The following QSER1 variants were observed in gnomAD, a reference collection of about 807,000 sequenced individuals.
QSER1 encodes glutamine and serine-rich protein 1.
QSER1 carries 49 observed loss-of-function variants against 158.5 expected under a neutral mutation model. That is an observed-to-expected ratio of 0.31 (90% confidence interval 0.25 to 0.39). QSER1 has a LOEUF of 0.39. Among genes scored for constraint, QSER1 ranks in the 10% least tolerant of loss-of-function variants. The pLI is 1.00. For missense variants in QSER1, 1,754 were observed against 2,010.3 expected, an observed-to-expected ratio of 0.87 and a Z score of 2.44; for synonymous variants, 650 against 715.5, an observed-to-expected ratio of 0.91 and a Z score of 1.46.
chr11:32,941,388 C>T (rs1270735594), intron 4 of QSER1, among the ~76,000 whole-genome samples: 5 of 120,740 alleles, frequency 4.1e-5, no homozygotes, highest in African/African-American at 1.5e-4. Context: ...CCCCCCTCCA[C>T]CCCCCACAAC....
At chr11:32,964,783 TACAC>T (rs1203469328) in intron 8 of QSER1, among the ~76,000 whole-genome samples, 5 of 107,154 alleles carry the variant, frequency 4.7e-5, no homozygotes, top group African/African-American at 1.5e-4. Flanking sequence ...CACACACACA[TACAC>T]ACACATAAAC....
chr11:32,901,616 G>C (rs1191733612), intron 1 of QSER1, among the ~76,000 whole-genome samples: 1 of 152,350 alleles, frequency 6.6e-6, no homozygotes, highest in Non-Finnish European at 1.5e-5. Flanking sequence ...ACTTCTGCCA[G>C]TCTGTTGGTC....
intron 4 of QSER1, among the ~76,000 whole-genome samples, chr11:32,952,031 G>A (rs1212583676): frequency 1.3e-5 from 2 of 151,858 alleles, no homozygotes; most frequent in Non-Finnish European, 2.9e-5. Flanking sequence ...GTAGAGATGG[G>A]GTTTCACCAT....
At chr11:32,958,806 T>C (rs1257721089) in intron 8 of QSER1, among the ~76,000 whole-genome samples, 1 of 152,246 alleles carries the variant, frequency 6.6e-6, no homozygotes, top group African/African-American at 2.4e-5. Flanking sequence ...ATTTAATAAA[T>C]GCTTACTACT....
chr11:32,914,029 A>G (rs1851802947), intron 1 of QSER1, among the ~76,000 whole-genome samples: 3 of 152,238 alleles, frequency 2.0e-5, no homozygotes. Context: ...CTTTTAAATT[A>G]TCAAACTGGA....
At chr11:32,910,213 C>G (rs555930589) in intron 1 of QSER1, among the ~76,000 whole-genome samples, 1 of 152,308 alleles carries the variant, frequency 6.6e-6, no homozygotes, top group South Asian at 2.1e-4. Flanking sequence ...ATCCCTTCTT[C>G]AGGAGGCATT....
chr11:32,955,488 T>G lies in QSER1; in HGVS notation c.4617+76T>G, dbSNP rs1852496080. On this transcript the variant is annotated intron_variant, in intron 6 of 12. Coordinates refer to ENST00000650167, the MANE Select transcript of QSER1 (RefSeq NM_001076786.3). The stretch of plus-strand genomic sequence containing the variant: ...AAAAACAATGATTTAAATATAGAAG[T>G]ATTTTATATTGAATATTTTTGATAT... 6.0e-6 allele frequency: 4 copies of G among 665,680 alleles called. No homozygotes were observed. In the South Asian group the frequency reaches 8.8e-5, roughly 15 times the overall value. 41.2% of individuals were successfully genotyped at this position (665,680 alleles called of 1,614,324 possible). A position where few individuals can be genotyped will look rare whatever the true frequency, so the allele number is the denominator to read the frequency against.
intron 1 of QSER1, among the ~76,000 whole-genome samples, chr11:32,898,482 TCACACACACACACACACA>T (rs71034630): frequency 1.2e-3 from 168 of 143,048 alleles, no homozygotes; most frequent in South Asian, 3.6e-3. Flanking sequence ...TGAGAACCTG[TCACACACACACACACACA>T]CACACACACA....
chr11:32,916,415 G>A (rs1165049155), intron 1 of QSER1, among the ~76,000 whole-genome samples: 1 of 152,094 alleles, frequency 6.6e-6, no homozygotes, highest in Non-Finnish European at 1.5e-5. Context: ...GCAGTAATCT[G>A]TCTCCATGGA....
intron 1 of QSER1, among the ~76,000 whole-genome samples, chr11:32,898,482 TCACACA>T (rs71034630): frequency 0.2 from 28,488 of 142,834 alleles, 2,925 homozygotes; most frequent in East Asian, 0.27. Context: ...TGAGAACCTG[TCACACA>T]CACACACACA....
At chr11:32,976,194 G>A (rs574925695) in intron 12 of QSER1, 140 bp from the exon 13 acceptor site, 12 of 665,902 alleles carry the variant, frequency 1.8e-5, no homozygotes, top group Non-Finnish European at 2.5e-5. Flanking sequence ...AAGATGAGAG[G>A]ATGAGATCTC....
At chr11:32,963,090 C>T (rs1024957309) in intron 8 of QSER1, among the ~76,000 whole-genome samples, 3 of 152,188 alleles carry the variant, frequency 2.0e-5, no homozygotes, top group African/African-American at 4.8e-5. Flanking sequence ...AAAAAGACAT[C>T]TATTCAAGAA....
At chr11:32,910,309 T>C (rs982606905) in intron 1 of QSER1, among the ~76,000 whole-genome samples, 1 of 152,232 alleles carries the variant, frequency 6.6e-6, no homozygotes, top group African/African-American at 2.4e-5. Context: ...TATAATTGTT[T>C]TATTAGTTGG....
intron 10 of QSER1, among the ~76,000 whole-genome samples, chr11:32,972,716 A>C (rs1314813406): frequency 6.6e-6 from 1 of 152,104 alleles, no homozygotes; most frequent in African/African-American, 2.4e-5. Flanking sequence ...GATTACAGGC[A>C]TGAGCCACCA....
intron 8 of QSER1, among the ~76,000 whole-genome samples, chr11:32,959,546 G>A (rs1042565065): frequency 3.9e-5 from 6 of 152,184 alleles, no homozygotes; most frequent in Admixed American, 3.9e-4. Flanking sequence ...AGCAGGGATG[G>A]AGATGAGGGG....
chr11:32,944,401 C>T (rs1852293301), intron 4 of QSER1, among the ~76,000 whole-genome samples: 1 of 149,306 alleles, frequency 6.7e-6, no homozygotes, highest in East Asian at 2.0e-4. Context: ...CTACACACTG[C>T]TTTGAATGCA....
At chr11:32,975,982 T>G (rs1179691510) in intron 12 of QSER1, among the ~76,000 whole-genome samples, 3 of 152,214 alleles carry the variant, frequency 2.0e-5, no homozygotes, top group Admixed American at 6.5e-5. Flanking sequence ...TAGTCTGGTA[T>G]GGAAAGATGC....
intron 6 of QSER1, among the ~76,000 whole-genome samples, 171 bp from the exon 7 acceptor site, chr11:32,955,817 A>C (rs1852501333): frequency 6.6e-6 from 1 of 152,232 alleles, no homozygotes; most frequent in African/African-American, 2.4e-5. Context: ...TTGCTTGTAC[A>C]TATGAAATCA....
At chr11:32,924,531 G>C (rs1184583851) in intron 1 of QSER1, among the ~76,000 whole-genome samples, 2 of 148,758 alleles carry the variant, frequency 1.3e-5, no homozygotes, top group Non-Finnish European at 3.0e-5. Context: ...CTGCAATTGA[G>C]GTTGGGTGAC....
Sources: allele counts gnomAD v4.1 joint callset (sites outside exome capture counted in the v4.1 genomes callset), GRCh38; gene constraint gnomAD v4.1.1; transcripts MANE v1.5; gene names NCBI Gene and HGNC (gene_info 2026-07-23, HGNC 2026-07-21).